NKAIN2: variants seen among roughly 807,000 people sequenced by gnomAD.
NKAIN2 encodes sodium/potassium-transporting ATPase subunit beta-1-interacting protein 2.
A neutral mutation model predicts 32.6 loss-of-function variants in NKAIN2; 14 were observed. That is an observed-to-expected ratio of 0.43 (90% confidence interval 0.28 to 0.67). The LOEUF is 0.67. NKAIN2 is among the 30% of genes least tolerant of loss of function. The probability of loss-of-function intolerance (pLI) is 0.17; values close to 1 mark genes in which losing one functional copy is unlikely to be tolerated. For synonymous variants in NKAIN2, 80 were observed against 87.2 expected (o/e 0.92, Z 0.46); for missense variants, 198 against 258.3 (o/e 0.77, Z 1.60).
chr6:124,442,054 T>C (rs1775713871), intron 3 of NKAIN2, among the ~76,000 whole-genome samples: 1 of 152,020 alleles, frequency 6.6e-6, no homozygotes, highest in South Asian at 2.1e-4. Flanking sequence ...GTTAGATCAA[T>C]ATGAAGATTT....
At chr6:123,929,311 G>A (rs981167699) in intron 1 of NKAIN2, among the ~76,000 whole-genome samples, 4 of 152,044 alleles carry the variant, frequency 2.6e-5, no homozygotes, top group African/African-American at 7.2e-5. Context: ...CTTTTTGGAT[G>A]GGTGTCCTGG....
chr6:123,878,324 C>T (rs1252271198), intron 1 of NKAIN2, among the ~76,000 whole-genome samples: 2 of 152,046 alleles, frequency 1.3e-5, no homozygotes, highest in Non-Finnish European at 2.9e-5. Flanking sequence ...TTCATATGTA[C>T]ACTTTTCCAT....
intron 1 of NKAIN2, among the ~76,000 whole-genome samples, chr6:123,999,404 C>G (rs1021589219): frequency 2.1e-4 from 32 of 152,124 alleles, no homozygotes; most frequent in African/African-American, 7.2e-4. Flanking sequence ...AGAGGAAATC[C>G]ACAGAGCTTT....
intron 1 of NKAIN2, among the ~76,000 whole-genome samples, chr6:124,215,159 AC>A (rs1403376850): frequency 7.9e-5 from 12 of 152,212 alleles, no homozygotes; most frequent in African/African-American, 2.9e-4. Flanking sequence ...AGAAAAGAGC[AC>A]TTTAGAACTC....
chr6:124,432,762 G>T (rs927649648), intron 3 of NKAIN2, among the ~76,000 whole-genome samples: 1 of 152,030 alleles, frequency 6.6e-6, no homozygotes. Context: ...GGTCTACTTG[G>T]TGGAAACCCT....
intron 5 of NKAIN2, among the ~76,000 whole-genome samples, chr6:124,806,604 C>T (rs1380267414): frequency 6.6e-6 from 1 of 151,708 alleles, no homozygotes; most frequent in African/African-American, 2.4e-5. Context: ...AACCAGCTAA[C>T]ATCATAATGA....
chr6:123,904,769 A>G (rs1774779450), intron 1 of NKAIN2, among the ~76,000 whole-genome samples: 1 of 152,196 alleles, frequency 6.6e-6, no homozygotes, highest in Non-Finnish European at 1.5e-5. Flanking sequence ...GTCTCCATCT[A>G]ACATTTTCAG....
chr6:124,760,294 T>C (rs1447845586), intron 4 of NKAIN2, among the ~76,000 whole-genome samples: 1 of 151,110 alleles, frequency 6.6e-6, no homozygotes, highest in Non-Finnish European at 1.5e-5. Context: ...AAAAAGTAAC[T>C]GTTGAATACT....
At chr6:124,746,731 C>T (rs568131011) in intron 4 of NKAIN2, among the ~76,000 whole-genome samples, 23 of 151,772 alleles carry the variant, frequency 1.5e-4, no homozygotes, top group Non-Finnish European at 8.8e-5. Context: ...CTTCCATGAT[C>T]ACACAAAGAA....
chr6:124,692,683 G>A (rs1774315050), intron 4 of NKAIN2, among the ~76,000 whole-genome samples: 1 of 151,998 alleles, frequency 6.6e-6, no homozygotes, highest in Non-Finnish European at 1.5e-5. Context: ...GGGCATGGTG[G>A]CAGGCGCCTG....
At position 123,964,574 on chromosome 6, in the gene NKAIN2, G is replaced by C. The variant is rs928006212; in HGVS notation, c.54+160320G>C. 6.6e-6 allele frequency among the ~76,000 whole-genome samples: 1 copy of C among 152,012 alleles called. No individual in the cohort carries two copies. Among genetic ancestry groups the C allele is most frequent in the Admixed American group, 6.6e-5 (1 of 15,256 alleles). ...TCATTTTCCTACAGAAAGGACTTGGGGATATAGAAAGGGCGTATGTAAGAG... is the reference window on the plus strand; with the variant it reads ...TCATTTTCCTACAGAAAGGACTTGGCGATATAGAAAGGGCGTATGTAAGAG... On this transcript the variant is annotated intron_variant, in intron 1 of 6. Transcript: ENST00000368417. This position sits in a 1 kb window ranked among gnomAD's most constrained non-coding sequence, Gnocchi z 4.0.
At chr6:123,953,963 G>A (rs1392572743) in intron 1 of NKAIN2, among the ~76,000 whole-genome samples, 1 of 152,214 alleles carries the variant, frequency 6.6e-6, no homozygotes, top group Non-Finnish European at 1.5e-5. Context: ...AGCAACTACA[G>A]GTGTGGGAGT....
At chr6:123,831,491 T>C (rs1774375281) in intron 1 of NKAIN2, among the ~76,000 whole-genome samples, 1 of 151,194 alleles carries the variant, frequency 6.6e-6, no homozygotes, top group African/African-American at 2.4e-5. Context: ...GGTTTTTTTG[T>C]GTTGTTGTTG....
intron 1 of NKAIN2, among the ~76,000 whole-genome samples, chr6:124,202,739 C>A (rs1054170928): frequency 2.0e-5 from 3 of 151,766 alleles, no homozygotes; most frequent in Non-Finnish European, 2.9e-5. Context: ...CCCTAAAATG[C>A]CTGATGATGC....
rs1223328315 is a variant in NKAIN2 at position 123,815,211 on chromosome 6, G to T, written c.54+10957G>T. On this transcript the variant is annotated intron_variant, in intron 1 of 6. Coordinates refer to ENST00000368417, the MANE Select transcript of NKAIN2 (RefSeq NM_001040214.3). ...TCTTTATCATTTATTTATTTATTAA[G>T]CCATATTACTTACTTACTTATGCTA... Among the ~76,000 whole-genome samples, 3 of 152,038 alleles carry T rather than the reference G, an allele frequency of 2.0e-5. No individual in the cohort carries two copies. In the South Asian group the frequency reaches 6.2e-4, roughly 32 times the overall value.
At chr6:124,552,628 G>A (rs1780333419) in intron 3 of NKAIN2, among the ~76,000 whole-genome samples, 1 of 152,212 alleles carries the variant, frequency 6.6e-6, no homozygotes, top group African/African-American at 2.4e-5. Flanking sequence ...GTGTAGCCAA[G>A]CCAATGAAGT....
chr6:124,459,876 T>C (rs1490431078), intron 3 of NKAIN2, among the ~76,000 whole-genome samples: 1 of 151,804 alleles, frequency 6.6e-6, no homozygotes, highest in Non-Finnish European at 1.5e-5. Context: ...TCTGTTTATA[T>C]TTATTGTCAT....
intron 1 of NKAIN2, among the ~76,000 whole-genome samples, chr6:124,134,313 G>A (rs1346533095): frequency 2.0e-5 from 3 of 152,048 alleles, no homozygotes; most frequent in African/African-American, 7.2e-5. Flanking sequence ...TTGAAGACAA[G>A]GCTTTCAACT....
intron 1 of NKAIN2, among the ~76,000 whole-genome samples, chr6:123,966,832 G>A (rs2114625678): frequency 1.3e-5 from 2 of 152,322 alleles, no homozygotes; most frequent in Middle Eastern, 6.8e-3. Context: ...CAGATGCCAA[G>A]TGCTGGGTGT....
Sources: allele counts gnomAD v4.1 joint callset (sites outside exome capture counted in the v4.1 genomes callset), GRCh38; gene constraint gnomAD v4.1.1; non-coding constraint Gnocchi (gnomAD v3.1); transcripts MANE v1.5; gene names NCBI Gene and HGNC (gene_info 2026-07-23, HGNC 2026-07-21).